The following DHX15 variants were observed in gnomAD, a reference collection of about 807,000 sequenced individuals.
The protein encoded by DHX15 is ATP-dependent RNA helicase DHX15.
DHX15 carries 11 observed loss-of-function variants against 94.4 expected under a neutral mutation model. The ratio of observed to expected loss-of-function variants is 0.12; its 90% confidence interval spans 0.07 to 0.19. The LOEUF is 0.19. Ranked by LOEUF, DHX15 falls within the 10% of genes least tolerant of loss-of-function variation. DHX15 has a pLI of 1.00. For missense variants in DHX15, 304 were observed against 988.5 expected (o/e 0.31, Z 9.29); for synonymous variants, 338 against 329.9 (o/e 1.02, Z -0.27).
intron 1 of DHX15, among the ~76,000 whole-genome samples, chr4:24,580,053 C>T (rs116674468): frequency 0.048 from 7,347 of 152,228 alleles, 237 homozygotes; most frequent in Non-Finnish European, 0.073. Context: ...CATGAGCCAC[C>T]GCGCCCCACC....
At chr4:24,579,844 C>T (rs1273581357) in intron 1 of DHX15, among the ~76,000 whole-genome samples, 2 of 152,198 alleles carry the variant, frequency 1.3e-5, no homozygotes, top group South Asian at 4.1e-4. Flanking sequence ...CAGCTCACTG[C>T]AACCTCTGCC....
chr4:24,570,889 G>A, intron 2 of DHX15, 42 bp from the exon 3 acceptor site: 1 of 1,585,358 alleles, frequency 6.3e-7, no homozygotes, highest in African/African-American at 1.3e-5. Flanking sequence ...TATTCTGCCT[G>A]CATATCAAGT....
At chr4:24,533,260 C>T in intron 11 of DHX15, 1 of 577,922 alleles carries the variant, frequency 1.7e-6, no homozygotes, top group Admixed American at 3.0e-5. Flanking sequence ...AGTAACAAGG[C>T]TTTTGGATTT....
chr4:24,562,736 T>C (rs996473667), intron 3 of DHX15, among the ~76,000 whole-genome samples: 3 of 152,182 alleles, frequency 2.0e-5, no homozygotes, highest in Non-Finnish European at 2.9e-5. Flanking sequence ...AGAATTACAG[T>C]TGACATGAAA....
Position 24,537,013 on chromosome 4 carries a change from A to G in DHX15, c.1909+38T>C. 1 of 1,600,088 alleles carries G rather than the reference A, an allele frequency of 6.2e-7. No individual in the cohort carries two copies. Among genetic ancestry groups the G allele is most frequent in the East Asian group, 2.2e-5 (1 of 44,630 alleles). ...AAACATCTTATACACTGCAAGTGACATTTAGACAAGAGTGTCTCCAATCAA... is the reference window on the plus strand; with the variant it reads ...AAACATCTTATACACTGCAAGTGACGTTTAGACAAGAGTGTCTCCAATCAA... On this transcript the variant is annotated intron_variant, in intron 11 of 13. Transcript: ENST00000336812. This position sits in a 1 kb window ranked among gnomAD's most constrained non-coding sequence, Gnocchi z 4.7.
rs58459661 is a variant in DHX15, at chr4:24,550,094, C to CAAAAAAAAAAAAAAAAAAAAAAAAAAAAA, written c.1081-1101_1081-1073dup. Among the ~76,000 whole-genome samples the CAAAAAAAAAAAAAAAAAAAAAAAAAAAAA allele has an allele frequency of 4.6e-4, 23 of 49,742 alleles. 6 individuals carry two copies. The highest frequency in any genetic ancestry group is 1.3e-3 in the Admixed American group (4 of 3,044). The allele number at this position is 49,742 out of a possible 152,430, so 32.6% of individuals were successfully genotyped here. The stretch of plus-strand genomic sequence containing the variant: ...GGGCAAAAAGAGGGAAACTCCGTCT[C>CAAAAAAAAAAAAAAAAAAAAAAAAAAAAA]AAAAAAAAAAAAAAAAAAAAAAAAA... On this transcript the variant is annotated intron_variant, in intron 5 of 13. Coordinates refer to ENST00000336812, the MANE Select transcript of DHX15 (RefSeq NM_001358.3).
At chr4:24,545,018 G>T (rs1369040072) in intron 6 of DHX15, among the ~76,000 whole-genome samples, 1 of 152,094 alleles carries the variant, frequency 6.6e-6, no homozygotes, top group Non-Finnish European at 1.5e-5. Context: ...GGCTAAGGTG[G>T]GAGGACTGCT....
At chr4:24,569,860 T>A (rs988786535) in intron 3 of DHX15, among the ~76,000 whole-genome samples, 82 of 152,340 alleles carry the variant, frequency 5.4e-4, no homozygotes, top group African/African-American at 1.9e-3. Flanking sequence ...AGCCTTGAAC[T>A]CCTGGCCTCA....
rs919801570 is a variant in DHX15 at position 24,527,781 on chromosome 4, T to C, written c.*143A>G. 1 of 569,270 alleles carries C rather than the reference T, an allele frequency of 1.8e-6. No individual in the cohort carries two copies. The highest frequency in any genetic ancestry group is 3.0e-5 in the Admixed American group (1 of 33,168). 35.3% of individuals were successfully genotyped at this position (569,270 alleles called of 1,614,324 possible). On this transcript the variant is annotated 3_prime_UTR_variant, in exon 14 of 14. Coordinates refer to ENST00000336812, the MANE Select transcript of DHX15 (RefSeq NM_001358.3). ...AAATGTTTAATTTATGAAATCAGAATGGAATATTTACTGTAAAGAAAAATT... is the reference window on the plus strand; with the variant it reads ...AAATGTTTAATTTATGAAATCAGAACGGAATATTTACTGTAAAGAAAAATT...
intron 3 of DHX15, among the ~76,000 whole-genome samples, chr4:24,567,219 T>G (rs888406163): frequency 1.3e-5 from 2 of 152,218 alleles, no homozygotes; most frequent in Non-Finnish European, 2.9e-5. Context: ...GATTATCAAA[T>G]TGTTTTCTTC....
Position 24,527,858 on chromosome 4 carries a change from C to A in DHX15, c.*66G>T, listed in dbSNP as rs372088617. The A allele has an allele frequency of 5.1e-6, 6 of 1,182,510 alleles. No individual in the cohort carries two copies. The highest frequency in any genetic ancestry group is 1.7e-5 in the Admixed American group (1 of 57,970). 73.3% of individuals were successfully genotyped at this position (1,182,510 alleles called of 1,614,324 possible). ...TCGAACCAACGTGAAGAGCACAACT[C>A]GAACTTTTGAGTTCATTCATCTTTT... On this transcript the variant is annotated 3_prime_UTR_variant, in exon 14 of 14. Transcript: ENST00000336812.
intron 10 of DHX15, chr4:24,538,517 G>A (rs1249921290): frequency 6.6e-6 from 1 of 152,192 alleles, no homozygotes; most frequent in Non-Finnish European, 1.5e-5. Flanking sequence ...GATTTGCACT[G>A]TTAGTATCAG....
intron 7 of DHX15, among the ~76,000 whole-genome samples, chr4:24,542,595 A>G (rs1721335215): frequency 6.6e-6 from 1 of 152,158 alleles, no homozygotes. Flanking sequence ...CAGTAACTCT[A>G]ATAATGTTGG....
chr4:24,532,133 TTC>T (rs2109391665), intron 12 of DHX15, among the ~76,000 whole-genome samples: 1 of 152,366 alleles, frequency 6.6e-6, no homozygotes, highest in East Asian at 1.9e-4. Flanking sequence ...TTCTCAAAGT[TTC>T]TCTTATTTTA....
chr4:24,554,694 A>C, intron 5 of DHX15, 31 bp downstream of exon 5: 3 of 1,556,674 alleles, frequency 1.9e-6, no homozygotes, highest in Non-Finnish European at 2.6e-6. Context: ...GTATGTCAAA[A>C]GCTAAATAAT....
intron 2 of DHX15, among the ~76,000 whole-genome samples, chr4:24,572,055 C>T (rs1577349566): frequency 6.6e-6 from 1 of 152,178 alleles, no homozygotes; most frequent in African/African-American, 2.4e-5. Context: ...TTTCAAAGAT[C>T]TAGAAAGTGA....
At position 24,567,450 on chromosome 4, in the gene DHX15, GC is replaced by G. The variant is rs1420522599; in HGVS notation, c.701+3203del. 3.3e-5 allele frequency among the ~76,000 whole-genome samples: 5 copies of G among 152,060 alleles called. No homozygotes were observed. In the East Asian group the frequency reaches 9.7e-4, roughly 29 times the overall value. ...AAATTAGCTGGGCGTGGTGGCGGGG[GC>G]CTGTAATCTCAGCTACTTGGGAGGC... On this transcript the variant is annotated intron_variant, in intron 3 of 13. Transcript: ENST00000336812.
At chr4:24,535,444 T>C (rs914050714) in intron 11 of DHX15, among the ~76,000 whole-genome samples, 1 of 152,154 alleles carries the variant, frequency 6.6e-6, no homozygotes, top group Non-Finnish European at 1.5e-5. Context: ...ATACAGTAGG[T>C]TTTTTGAGTA....
At chr4:24,564,596 G>C (rs192006617) in intron 3 of DHX15, among the ~76,000 whole-genome samples, 21 of 152,288 alleles carry the variant, frequency 1.4e-4, no homozygotes, top group Admixed American at 1.3e-3. Flanking sequence ...CCAAGTCAGT[G>C]AAGAGCCAGT....
Sources: gnomAD v4.1 joint callset for allele counts (sites outside exome capture counted in the v4.1 genomes callset) on GRCh38, gnomAD v4.1.1 for gene constraint, Gnocchi (gnomAD v3.1) non-coding constraint, MANE v1.5 for transcripts, NCBI Gene and HGNC (gene_info 2026-07-23, HGNC 2026-07-21) for gene names.